Variants in TRIM29 observed in about 807,000 individuals in gnomAD.
The protein encoded by TRIM29 is tripartite motif-containing protein 29.
TRIM29 carries 52 observed loss-of-function variants against 57.3 expected under a neutral mutation model. That is an observed-to-expected ratio of 0.91 (90% confidence interval 0.73 to 1.14). The LOEUF (loss-of-function observed/expected upper bound fraction) is 1.14. Ranked by LOEUF, TRIM29 falls within the 50% of genes most tolerant of loss-of-function variation. The pLI, the probability that TRIM29 is intolerant of heterozygous loss-of-function variation, is 0.00. For missense variants in TRIM29, 753 were observed against 774.6 expected, an observed-to-expected ratio of 0.97 and a Z score of 0.33; for synonymous variants, 319 against 316.9, an observed-to-expected ratio of 1.01 and a Z score of -0.07.
In TRIM29 at chr11:120,112,182, A is replaced by C; in HGVS notation, c.*232T>G. The C allele has an allele frequency of 4.0e-6, 2 of 502,116 alleles. No individual in the cohort carries two copies. The highest frequency in any genetic ancestry group is 3.9e-5 in the East Asian group (1 of 25,900). 31.1% of individuals were successfully genotyped at this position (502,116 alleles called of 1,614,324 possible). A position where few individuals can be genotyped will look rare whatever the true frequency, so the allele number is the denominator to read the frequency against. On this transcript the variant is annotated 3_prime_UTR_variant, in exon 9 of 9. Coordinates refer to ENST00000341846, the MANE Select transcript of TRIM29 (RefSeq NM_012101.4). ...GATGGGTTGGCCTCTGAGCACAGGA[A>C]TGATGGTGACCATCTGAGGTCACAA...
intron 6 of TRIM29, 65 bp downstream of exon 6, chr11:120,120,508 A>C: frequency 6.8e-7 from 1 of 1,472,278 alleles, no homozygotes; most frequent in Non-Finnish European, 9.3e-7. Flanking sequence ...ACCCACCTCT[A>C]TGCCCCTCCT....
intron 8 of TRIM29, among the ~76,000 whole-genome samples, 195 bp downstream of exon 8, chr11:120,115,143 C>T (rs932517988): frequency 1.3e-5 from 2 of 152,174 alleles, no homozygotes; most frequent in African/African-American, 4.8e-5. Context: ...TTAGCTAGTC[C>T]CCTGCCCATT....
At chr11:120,125,367 C>G (rs150451430) in intron 4 of TRIM29, 2 of 334,566 alleles carry the variant, frequency 6.0e-6, no homozygotes, top group African/African-American at 4.2e-5. Flanking sequence ...GGGCTGGGCC[C>G]GGCAATTAGA....
chr11:120,126,088 G>C, intron 3 of TRIM29, 199 bp from the exon 4 acceptor site: 1 of 593,048 alleles, frequency 1.7e-6, no homozygotes, highest in South Asian at 2.2e-5. Context: ...GATGGCACTA[G>C]CGTTCAGATG....
At chr11:120,120,740 C>A in intron 5 of TRIM29, 75 bp from the exon 6 acceptor site, 5 of 1,341,260 alleles carry the variant, frequency 3.7e-6, no homozygotes, top group Admixed American at 1.9e-5. Context: ...AAAAGTTGCC[C>A]AAGTGCCCAT....
intron 6 of TRIM29, 40 bp from the exon 7 acceptor site, chr11:120,118,361 G>C: frequency 6.5e-7 from 1 of 1,533,982 alleles, no homozygotes; most frequent in East Asian, 2.3e-5. Flanking sequence ...CCCACAGCTG[G>C]GAGTGGGAGA....
intron 3 of TRIM29, among the ~76,000 whole-genome samples, chr11:120,126,572 A>G (rs1213274445): frequency 6.6e-6 from 1 of 152,122 alleles, no homozygotes; most frequent in Non-Finnish European, 1.5e-5. Context: ...TTTACACGCC[A>G]TGCTCAGTGC....
rs376084869 is a variant in TRIM29, at chr11:120,125,723, C to T, written c.1301G>A (p.Arg434His). The change falls in exon 4 of 9, where the codon CGT becomes CAT. Residue 434 changes from arginine (R) to histidine (H), a missense_variant. Physicochemically the swap from Arg to His is conservative, Grantham distance 29. Transcript: ENST00000341846. ...VEKMCKADLS[R>H]NFIERNHMEN... The stretch of plus-strand genomic sequence containing the variant: ...CATGTGGTTCCTCTCAATGAAGTTA[C>T]GGCTCAGGTCCGCCTTGCACATCTT... 42 of 1,614,064 alleles carry T rather than the reference C, an allele frequency of 2.6e-5. No individual in the cohort carries two copies. Among genetic ancestry groups the T allele is most frequent in the South Asian group, 9.9e-5 (9 of 91,080 alleles).
chr11:120,125,850 G>GT lies in TRIM29; in HGVS notation c.1173dup (p.Pro392ThrfsTer34). 6.2e-7 allele frequency: 1 copy of GT among 1,614,114 alleles called. No individual in the cohort carries two copies. Among genetic ancestry groups the GT allele is most frequent in the African/African-American group, 1.3e-5 (1 of 75,042 alleles). ...AGCAGGACATGATAGGTGGGCAGGG[G>GT]TGGGGGGAGAGAGTAATTGCTCATC... On this transcript the variant is annotated frameshift_variant, in exon 4 of 9. Transcript: ENST00000341846. LOFTEE classifies it high-confidence loss of function.
chr11:120,122,519 A>T (rs527579308), intron 5 of TRIM29, among the ~76,000 whole-genome samples: 1 of 152,234 alleles, frequency 6.6e-6, no homozygotes, highest in South Asian at 2.1e-4. Flanking sequence ...TGCCTAGGGG[A>T]GCAGAATGGT....
chr11:120,115,307 G>A, intron 8 of TRIM29, 31 bp downstream of exon 8: 3 of 1,604,826 alleles, frequency 1.9e-6, no homozygotes, highest in South Asian at 1.1e-5. Context: ...CTCTGGATGT[G>A]CCCAGGCCCT....
rs548435036 is a variant in TRIM29, at chr11:120,121,871, A to G, written c.1435+1083T>C. 540 of 407,914 alleles carry G rather than the reference A, an allele frequency of 1.3e-3. 4 individuals carry two copies. Among genetic ancestry groups the G allele is most frequent in the African/African-American group, 0.01 (498 of 48,954 alleles). 25.3% of individuals were successfully genotyped at this position (407,914 alleles called of 1,614,324 possible). ...AGGGAGAGACAGGAGGGACAGGGCC[A>G]GGGCGAGGCCAGGTAGGGGTTCTGA... On this transcript the variant is annotated intron_variant, in intron 5 of 8. Transcript: ENST00000341846.
In TRIM29 at chr11:120,137,958, G is replaced by A; in HGVS notation, c.74C>T (p.Pro25Leu). 2 of 1,606,710 alleles carry A rather than the reference G, an allele frequency of 1.2e-6. No individual in the cohort carries two copies. Among genetic ancestry groups the A allele is most frequent in the Non-Finnish European group, 8.5e-7 (1 of 1,179,966 alleles). ...EARDARSPSG[P>L]SGSLENGTKA... ...GGTGCCATTCTCCAGGCTGCCACTGGGGCCCGACGGGCTCCGGGCATCCCT... is the reference window on the plus strand; with the variant it reads ...GGTGCCATTCTCCAGGCTGCCACTGAGGCCCGACGGGCTCCGGGCATCCCT... The change falls in exon 1 of 9, where the codon CCC becomes CTC. Residue 25 changes from proline (P) to leucine (L), a missense_variant. Physicochemically the swap from Pro to Leu is moderately conservative, Grantham distance 98. Coordinates refer to ENST00000341846, the MANE Select transcript of TRIM29 (RefSeq NM_012101.4). This position sits in a 1 kb window ranked among gnomAD's most constrained non-coding sequence, Gnocchi z 6.2.
chr11:120,119,776 G>T lies in TRIM29; in HGVS notation c.1528+797C>A, dbSNP rs1308273785. 2.0e-5 allele frequency among the ~76,000 whole-genome samples: 3 copies of T among 152,110 alleles called. 1 individual carries two copies. Among genetic ancestry groups the T allele is most frequent in the Non-Finnish European group, 4.4e-5 (3 of 68,020 alleles). On this transcript the variant is annotated intron_variant, in intron 6 of 8. Coordinates refer to ENST00000341846, the MANE Select transcript of TRIM29 (RefSeq NM_012101.4). ...AAGAGTCCTCCAGTGCTATGTCTAG[G>T]GTGGGGGCTGACCCAGTCCCCTCCC...
intron 1 of TRIM29, chr11:120,128,828 C>T (rs1020539496): frequency 1.2e-4 from 176 of 1,518,308 alleles, no homozygotes; most frequent in Non-Finnish European, 1.5e-4. Context: ...AGGGTGCTTG[C>T]CCTTTTCAGT....
intron 1 of TRIM29, among the ~76,000 whole-genome samples, chr11:120,130,728 T>C (rs1241719275): frequency 6.6e-6 from 1 of 152,176 alleles, no homozygotes; most frequent in Non-Finnish European, 1.5e-5. Context: ...CACTATTGTG[T>C]GGGCAACTTC....
chr11:120,133,000 C>A (rs560216978), intron 1 of TRIM29, among the ~76,000 whole-genome samples: 20 of 152,196 alleles, frequency 1.3e-4, no homozygotes, highest in African/African-American at 4.8e-4. Context: ...GAGTTAGCAC[C>A]CCCCTCAGTC....
chr11:120,133,415 T>C (rs1357415469), intron 1 of TRIM29, among the ~76,000 whole-genome samples: 1 of 152,236 alleles, frequency 6.6e-6, no homozygotes, highest in Non-Finnish European at 1.5e-5. Flanking sequence ...GCACTGGCAC[T>C]CAGGTGTGTG....
chr11:120,130,656 G>A (rs573251667), intron 1 of TRIM29, among the ~76,000 whole-genome samples: 1 of 152,342 alleles, frequency 6.6e-6, no homozygotes, highest in African/African-American at 2.4e-5. Flanking sequence ...GGGATTGGGA[G>A]TGAAGCCCCC....
Sources: gnomAD v4.1 joint callset for allele counts (sites outside exome capture counted in the v4.1 genomes callset) on GRCh38, gnomAD v4.1.1 for gene constraint, Gnocchi (gnomAD v3.1) non-coding constraint, MANE v1.5 for transcripts, NCBI Gene and HGNC (gene_info 2026-07-23, HGNC 2026-07-21) for gene names.